CERS6: variants seen among roughly 807,000 people sequenced by gnomAD.
CERS6 encodes LAG1 homolog, ceramide synthase 6.
CERS6 carries 26 observed loss-of-function variants against 56.8 expected under a neutral mutation model. The ratio of observed to expected loss-of-function variants is 0.46; its 90% confidence interval spans 0.34 to 0.63. The LOEUF (loss-of-function observed/expected upper bound fraction) is 0.63, where lower values mean the gene tolerates loss of function less well. Ranked by LOEUF, CERS6 falls within the 30% of genes least tolerant of loss-of-function variation. The pLI, the probability that CERS6 is intolerant of heterozygous loss-of-function variation, is 0.01. For missense variants in CERS6, 415 were observed against 467.5 expected (o/e 0.89, Z 1.04); for synonymous variants, 164 against 173.3 (o/e 0.95, Z 0.42).
At position 168,774,670 on chromosome 2, in the gene CERS6, A is replaced by G. The variant is rs1371089286; in HGVS notation, c.*5008A>G. ...AAAAAAAAAAGAAATGAGTTATGGA[A>G]TAGGAACAGTTATGTGATGATTCTG... On this transcript the variant is annotated 3_prime_UTR_variant, in exon 10 of 10. Transcript: ENST00000305747. 2 of 152,218 alleles carry G rather than the reference A, an allele frequency of 1.3e-5. No individual in the cohort carries two copies. The highest frequency in any genetic ancestry group is 4.8e-5 in the African/African-American group (2 of 41,466). The allele number at this position is 152,218 out of a possible 1,614,324, so 9.4% of individuals were successfully genotyped here.
At chr2:168,462,027 A>G (rs1183678779) in intron 1 of CERS6, among the ~76,000 whole-genome samples, 1 of 152,164 alleles carries the variant, frequency 6.6e-6, no homozygotes, top group Non-Finnish European at 1.5e-5. Context: ...CTTGTATTTT[A>G]CTAACTTGAT....
chr2:168,758,388 C>CT lies in CERS6; in HGVS notation c.846-7202dup, dbSNP rs547577177. On this transcript the variant is annotated intron_variant, in intron 8 of 9. Coordinates refer to ENST00000305747, the MANE Select transcript of CERS6 (RefSeq NM_203463.3). ...TGACTCTGTTCCTTAGAGAAGAAAT[C>CT]TTGGCTCTGGATATTTGACTTGGGT... 1.8e-3 allele frequency among the ~76,000 whole-genome samples: 274 copies of CT among 152,320 alleles called. 1 individual carries two copies. The highest frequency in any genetic ancestry group is 6.2e-3 in the African/African-American group (257 of 41,566).
At chr2:168,480,635 A>G (rs2105332265) in intron 1 of CERS6, among the ~76,000 whole-genome samples, 1 of 152,324 alleles carries the variant, frequency 6.6e-6, no homozygotes, top group East Asian at 1.9e-4. Context: ...TAGAGCCACT[A>G]ATGTGTCTGA....
chr2:168,563,049 T>A (rs897594225), intron 3 of CERS6, among the ~76,000 whole-genome samples: 5 of 152,208 alleles, frequency 3.3e-5, no homozygotes, highest in African/African-American at 1.2e-4. Context: ...CAGCCCCTAC[T>A]ATGCTGAGTC....
chr2:168,682,005 A>G (rs1412592642), intron 4 of CERS6, among the ~76,000 whole-genome samples: 1 of 152,208 alleles, frequency 6.6e-6, no homozygotes, highest in Non-Finnish European at 1.5e-5. Context: ...TTCATTGTGT[A>G]TACATACCAT....
chr2:168,542,003 A>T (rs1299049781), intron 1 of CERS6, among the ~76,000 whole-genome samples: 1 of 152,172 alleles, frequency 6.6e-6, no homozygotes, highest in Non-Finnish European at 1.5e-5. Flanking sequence ...AGAGCTGCAG[A>T]ATAAATATAT....
At chr2:168,628,053 G>A (rs532031301) in intron 3 of CERS6, among the ~76,000 whole-genome samples, 213 of 151,982 alleles carry the variant, frequency 1.4e-3, no homozygotes, top group Middle Eastern at 0.01. Context: ...ACAACTTTCT[G>A]TTTTGTTTCA....
chr2:168,729,394 C>G (rs921566415), intron 8 of CERS6, among the ~76,000 whole-genome samples: 7 of 152,184 alleles, frequency 4.6e-5, no homozygotes, highest in African/African-American at 1.7e-4. Context: ...AGTTATATAC[C>G]AGGCTAGTGC....
chr2:168,514,554 A>G (rs896363442), intron 1 of CERS6, among the ~76,000 whole-genome samples: 1 of 152,242 alleles, frequency 6.6e-6, no homozygotes, highest in African/African-American at 2.4e-5. Flanking sequence ...TGCAAATTCA[A>G]GTGGCTTTGG....
intron 1 of CERS6, among the ~76,000 whole-genome samples, chr2:168,496,038 C>T (rs1356381328): frequency 6.6e-6 from 1 of 152,230 alleles, no homozygotes; most frequent in Non-Finnish European, 1.5e-5. Context: ...CCACTGCAAC[C>T]TTGCATGCAA....
Position 168,772,067 on chromosome 2 carries a change from C to T in CERS6, c.*2405C>T, listed in dbSNP as rs1463231994. The T allele has an allele frequency of 6.6e-6, 1 of 152,176 alleles. No homozygotes were observed. Among genetic ancestry groups the T allele is most frequent in the Non-Finnish European group, 1.5e-5 (1 of 68,042 alleles). 9.4% of individuals were successfully genotyped at this position (152,176 alleles called of 1,614,324 possible). ...AAGAATAATATATCTCTGTCTATAG[C>T]TTTCCCATGGTAGCCTGATAAGGCT... On this transcript the variant is annotated 3_prime_UTR_variant, in exon 10 of 10. Coordinates refer to ENST00000305747, the MANE Select transcript of CERS6 (RefSeq NM_203463.3).
At chr2:168,504,563 C>T (rs1040505891) in intron 1 of CERS6, among the ~76,000 whole-genome samples, 2 of 152,076 alleles carry the variant, frequency 1.3e-5, no homozygotes, top group Non-Finnish European at 2.9e-5. Flanking sequence ...CCTGGGTTGA[C>T]AGGGATGCTG....
intron 4 of CERS6, among the ~76,000 whole-genome samples, chr2:168,645,136 TATATATAGAG>T (rs1279608332): frequency 8.5e-4 from 30 of 35,488 alleles, no homozygotes; most frequent in South Asian, 1.7e-3. Context: ...TATATATATA[TATATATAGAG>T]AGAGAGAGAG....
At chr2:168,552,778 A>G (rs1695599597) in intron 2 of CERS6, among the ~76,000 whole-genome samples, 2 of 152,184 alleles carry the variant, frequency 1.3e-5, no homozygotes, top group Admixed American at 6.5e-5. Context: ...CCTGCTCCCC[A>G]CACTGGAAGT....
chr2:168,583,996 T>G (rs1188788625), intron 3 of CERS6, among the ~76,000 whole-genome samples: 1 of 152,254 alleles, frequency 6.6e-6, no homozygotes, highest in Non-Finnish European at 1.5e-5. Context: ...CTTAGTCATC[T>G]TATTTAATCC....
At chr2:168,635,771 C>T (rs1684848100) in intron 4 of CERS6, among the ~76,000 whole-genome samples, 1 of 152,202 alleles carries the variant, frequency 6.6e-6, no homozygotes, top group Admixed American at 6.5e-5. Context: ...CCTTTGCCCA[C>T]TCCCTTAGAC....
intron 1 of CERS6, among the ~76,000 whole-genome samples, chr2:168,526,962 G>T (rs890698914): frequency 6.6e-6 from 1 of 152,236 alleles, no homozygotes; most frequent in African/African-American, 2.4e-5. Context: ...AGAACACTCT[G>T]TGCTGGTTAT....
chr2:168,670,514 TA>T (rs1364704520), intron 4 of CERS6, among the ~76,000 whole-genome samples: 4 of 152,240 alleles, frequency 2.6e-5, no homozygotes, highest in African/African-American at 9.6e-5. Context: ...TTTTGCCAGT[TA>T]AAAGGCAAGT....
rs1559028139 is a variant in CERS6, at chr2:168,631,544, T to TATTTAATATTTA, written c.465+502_465+503insATTTAATATTTA. ...ATTATATAAATACATATTAAATATA[T>TATTTAATATTTA]TATATTTTTAATATTTATATATTAA... On this transcript the variant is annotated intron_variant, in intron 4 of 9. Transcript: ENST00000305747. 4.8e-5 allele frequency among the ~76,000 whole-genome samples: 3 copies of TATTTAATATTTA among 61,908 alleles called. 1 individual carries two copies. Among genetic ancestry groups the TATTTAATATTTA allele is most frequent in the Admixed American group, 5.1e-4 (2 of 3,936 alleles). 40.6% of individuals were successfully genotyped at this position (61,908 alleles called of 152,430 possible).
Sources: allele counts gnomAD v4.1 joint callset (sites outside exome capture counted in the v4.1 genomes callset), GRCh38; gene constraint gnomAD v4.1.1; transcripts MANE v1.5; gene names NCBI Gene and HGNC (gene_info 2026-07-23, HGNC 2026-07-21).